STXBP5: variants seen among roughly 807,000 people sequenced by gnomAD.
STXBP5 encodes syntaxin-binding protein 5.
In STXBP5, 50 loss-of-function variants were observed where a neutral mutation model predicts 152.4. The observed-to-expected ratio is 0.33, with a 90% CI of 0.26 to 0.42. The LOEUF (loss-of-function observed/expected upper bound fraction) is 0.42, where lower values mean the gene tolerates loss of function less well. Ranked by LOEUF, STXBP5 falls within the 10% of genes least tolerant of loss-of-function variation. STXBP5 has a pLI of 1.00. For synonymous variants in STXBP5, 492 were observed against 494.7 expected (o/e 0.99, Z 0.07); for missense variants, 1,167 against 1,388.6 (o/e 0.84, Z 2.54).
At chr6:147,304,273 A>G (rs1781977521) in intron 9 of STXBP5, among the ~76,000 whole-genome samples, 1 of 152,162 alleles carries the variant, frequency 6.6e-6, no homozygotes. Flanking sequence ...GCCATGGCTA[A>G]AAGGGGTCAA....
At chr6:147,332,681 C>A (rs1214503929) in intron 18 of STXBP5, among the ~76,000 whole-genome samples, 2 of 152,184 alleles carry the variant, frequency 1.3e-5, no homozygotes, top group Non-Finnish European at 2.9e-5. Context: ...TCATCTACAT[C>A]ACCCAACCAA....
At chr6:147,241,611 A>G (rs1311121734) in intron 4 of STXBP5, among the ~76,000 whole-genome samples, 2 of 152,148 alleles carry the variant, frequency 1.3e-5, no homozygotes, top group Non-Finnish European at 2.9e-5. Context: ...ACTCCTATAG[A>G]TTAGGGATGT....
At chr6:147,358,700 A>G (rs951601697) in intron 22 of STXBP5, among the ~76,000 whole-genome samples, 1 of 152,226 alleles carries the variant, frequency 6.6e-6, no homozygotes, top group African/African-American at 2.4e-5. Context: ...TATATACTGT[A>G]TTCATGTAAT....
chr6:147,315,302 T>G (rs1233529162), intron 14 of STXBP5, among the ~76,000 whole-genome samples: 2 of 152,164 alleles, frequency 1.3e-5, no homozygotes, highest in Non-Finnish European at 1.5e-5. Context: ...TAATAGATTT[T>G]TCTTCATGAA....
intron 3 of STXBP5, among the ~76,000 whole-genome samples, chr6:147,237,015 A>C (rs969739199): frequency 3.9e-5 from 6 of 151,950 alleles, no homozygotes; most frequent in African/African-American, 1.5e-4. Context: ...TGACCTCGTG[A>C]TCTGCCTGCC....
At chr6:147,280,032 A>G (rs976632543) in intron 8 of STXBP5, among the ~76,000 whole-genome samples, 1 of 150,360 alleles carries the variant, frequency 6.7e-6, no homozygotes, top group African/African-American at 2.4e-5. Context: ...TAAGTTGTCA[A>G]TGTGGTGCTG....
chr6:147,245,728 G>A (rs1005487040), intron 4 of STXBP5, among the ~76,000 whole-genome samples: 2 of 152,182 alleles, frequency 1.3e-5, no homozygotes, highest in Admixed American at 6.5e-5. Flanking sequence ...CTAATCTGGT[G>A]TCCACATAAG....
At chr6:147,252,422 T>C (rs1233904750) in intron 4 of STXBP5, among the ~76,000 whole-genome samples, 1 of 151,874 alleles carries the variant, frequency 6.6e-6, no homozygotes, top group Non-Finnish European at 1.5e-5. Context: ...CTTGAGAACT[T>C]GATAAAGCAT....
At chr6:147,268,946 G>A (rs1038216749) in intron 7 of STXBP5, among the ~76,000 whole-genome samples, 1 of 152,134 alleles carries the variant, frequency 6.6e-6, no homozygotes, top group African/African-American at 2.4e-5. Context: ...GAACCTAGGT[G>A]GAAGCTGAGA....
chr6:147,205,977 C>G lies in STXBP5; in HGVS notation c.157C>G (p.Arg53Gly), dbSNP rs774107469. ...GTCACTTGCCCATCCCTAGACTGTT[C>G]GCCATGGATTTCCCTATCAACCCTC... ...SEHFQLCKTV[R>G]HGFPYQPSAL... The change falls in exon 2 of 28, where the codon CGC (arginine) becomes GGC (glycine). Residue 53 changes from arginine to glycine, a missense_variant. Arg to Gly is a moderately radical substitution (Grantham distance 125, BLOSUM62 -2). Around this residue, in one of 3 missense-constraint regions of STXBP5, gnomAD observed 310 missense variants for 346.1 expected, o/e 0.90. Coordinates refer to ENST00000321680, the MANE Select transcript of STXBP5 (RefSeq NM_001127715.4). 1 of 1,613,866 alleles carries G rather than the reference C, an allele frequency of 6.2e-7. No homozygotes were observed.
chr6:147,267,005 A>G, intron 6 of STXBP5, 79 bp from the exon 7 acceptor site: 3 of 1,129,872 alleles, frequency 2.7e-6, no homozygotes, highest in Non-Finnish European at 1.3e-6. Context: ...GAATGATAGT[A>G]GTTATTTTCA....
At chr6:147,383,122 C>T in intron 27 of STXBP5, 124 bp downstream of exon 27, 1 of 1,180,050 alleles carries the variant, frequency 8.5e-7, no homozygotes, top group Non-Finnish European at 1.2e-6. Context: ...TGTACAATTG[C>T]AAGTTCCTGA....
At chr6:147,337,002 T>C (rs1018205894) in intron 19 of STXBP5, among the ~76,000 whole-genome samples, 9 of 152,060 alleles carry the variant, frequency 5.9e-5, no homozygotes, top group Admixed American at 2.6e-4. Context: ...TTTATTTTTA[T>C]GTAAACCAGT....
At chr6:147,251,742 A>G (rs1044300279) in intron 4 of STXBP5, among the ~76,000 whole-genome samples, 4 of 152,336 alleles carry the variant, frequency 2.6e-5, no homozygotes, top group African/African-American at 9.6e-5. Flanking sequence ...AAGTTCTGCT[A>G]AGGGACAGAC....
rs1779539964 is a variant in STXBP5 at position 147,259,438 on chromosome 6, TATC to T, written c.432-1174_432-1172del. Among the ~76,000 whole-genome samples the T allele has an allele frequency of 2.6e-5, 4 of 152,292 alleles. No individual in the cohort carries two copies. The South Asian group carries it at 8.3e-4, about 32-fold the overall frequency. On this transcript the variant is annotated intron_variant, in intron 4 of 27. Coordinates refer to ENST00000321680, the MANE Select transcript of STXBP5 (RefSeq NM_001127715.4). Reference sequence around the variant, plus strand: ...CATAAATTCTTTAGAAAGAGACCATTATCATATAAAACACTCAACAGAAATTAC... The same window carrying T: ...CATAAATTCTTTAGAAAGAGACCATTATATAAAACACTCAACAGAAATTAC...
chr6:147,359,181 A>G lies in STXBP5; in HGVS notation c.2403A>G (p.Glu801=), dbSNP rs753504680. 1.2e-6 allele frequency: 2 copies of G among 1,614,074 alleles called. No individual in the cohort carries two copies. The highest frequency in any genetic ancestry group is 1.7e-6 in the Non-Finnish European group (2 of 1,179,968). ...REAISALHFC[E]TFTRKTDSSP... is the part of the protein sequence containing the mutation. ...CGATCTCCGCTCTTCATTTCTGTGAAACGTTTACTCGAAAGACGGACTCGT... is the reference window on the plus strand; with the variant it reads ...CGATCTCCGCTCTTCATTTCTGTGAGACGTTTACTCGAAAGACGGACTCGT... The change falls in exon 23 of 28, where the codon GAA becomes GAG. Residue 801 remains glutamate (E), a synonymous_variant. Transcript: ENST00000321680.
intron 7 of STXBP5, among the ~76,000 whole-genome samples, chr6:147,276,708 A>G (rs1286098150): frequency 6.6e-6 from 1 of 152,154 alleles, no homozygotes; most frequent in Non-Finnish European, 1.5e-5. Context: ...TTATTTTAAA[A>G]TTGAGTTTTC....
intron 24 of STXBP5, 31 bp downstream of exon 24, chr6:147,363,735 T>A (rs367986851): frequency 3.8e-6 from 6 of 1,566,134 alleles, no homozygotes; most frequent in Non-Finnish European, 4.3e-6. Flanking sequence ...AAAACACAGA[T>A]ATAGCATTTC....
intron 9 of STXBP5, among the ~76,000 whole-genome samples, chr6:147,309,594 A>C (rs920624741): frequency 1.3e-5 from 2 of 152,122 alleles, no homozygotes; most frequent in Non-Finnish European, 2.9e-5. Context: ...TTCTAGAAGA[A>C]ATTAAGGCAT....
Sources: gnomAD v4.1 joint callset for allele counts (sites outside exome capture counted in the v4.1 genomes callset) on GRCh38, gnomAD v4.1.1 for gene constraint, gnomAD v4.1.1 regional missense constraint, MANE v1.5 for transcripts, NCBI Gene and HGNC (gene_info 2026-07-23, HGNC 2026-07-21) for gene names.